The following SOX5 variants were observed in gnomAD, a reference collection of about 807,000 sequenced individuals.
SOX5 encodes SRY-box transcription factor 5.
A neutral mutation model predicts 92.0 loss-of-function variants in SOX5; 9 were observed. That is an observed-to-expected ratio of 0.10 (90% CI 0.06 to 0.17). SOX5 has a LOEUF of 0.17. Among genes scored for constraint, SOX5 ranks in the 10% least tolerant of loss-of-function variants. The pLI is 1.00. For synonymous variants in SOX5, 344 were observed against 336.3 expected, an observed-to-expected ratio of 1.02 and a Z score of -0.25; for missense variants, 642 against 944.5, an observed-to-expected ratio of 0.68 and a Z score of 4.20.
chr12:23,668,800 C>T (rs760576234), intron 6 of SOX5, among the ~76,000 whole-genome samples: 2 of 152,022 alleles, frequency 1.3e-5, no homozygotes, highest in Non-Finnish European at 2.9e-5. Context: ...TTTTAAGAAG[C>T]CCCGTCTTAA....
chr12:23,546,996 C>T (rs1263346193), intron 11 of SOX5, among the ~76,000 whole-genome samples: 3 of 152,056 alleles, frequency 2.0e-5, no homozygotes, highest in African/African-American at 7.2e-5. Flanking sequence ...GCTACTTGGA[C>T]CACAATTTGA....
intron 2 of SOX5, among the ~76,000 whole-genome samples, chr12:24,286,963 G>A (rs527255913): frequency 2.0e-5 from 3 of 152,242 alleles, no homozygotes; most frequent in Non-Finnish European, 4.4e-5. Context: ...ATCAAACAGA[G>A]ACTGACTACA....
rs578120512 is a variant in SOX5, at chr12:24,247,817, A to AT, written c.-77+29398dup. Among the ~76,000 whole-genome samples the AT allele has an allele frequency of 8.2e-3, 1,235 of 151,084 alleles. 10 individuals carry two copies. The highest frequency in any genetic ancestry group is 0.035 in the Middle Eastern group (10 of 288). On this transcript the variant is annotated intron_variant, in intron 3 of 4. Transcript: ENST00000446891. ...AGGTGCCCGCTACTACACCTGGCTAATTTTTTTTGTATTTTTAGTAGAGAC... is the reference window on the plus strand; with the variant it reads ...AGGTGCCCGCTACTACACCTGGCTAATTTTTTTTTGTATTTTTAGTAGAGAC...
intron 3 of SOX5, among the ~76,000 whole-genome samples, chr12:24,268,258 C>T (rs374009002): frequency 4.6e-5 from 7 of 151,854 alleles, no homozygotes; most frequent in Admixed American, 6.6e-5. Context: ...ATGTAGAGCA[C>T]GAAGACAATC....
At chr12:23,716,086 C>T (rs1441607914) in intron 6 of SOX5, among the ~76,000 whole-genome samples, 1 of 152,086 alleles carries the variant, frequency 6.6e-6, no homozygotes, top group East Asian at 1.9e-4. Context: ...TTAAGTTATG[C>T]AACACACGGG....
chr12:23,812,789 C>T (rs928367818), intron 3 of SOX5, among the ~76,000 whole-genome samples: 2 of 152,154 alleles, frequency 1.3e-5, no homozygotes, highest in Non-Finnish European at 2.9e-5. Flanking sequence ...TACTGATGTA[C>T]TGTATCTCAG....
At chr12:23,831,610 G>T (rs536771764) in intron 3 of SOX5, among the ~76,000 whole-genome samples, 37 of 152,164 alleles carry the variant, frequency 2.4e-4, no homozygotes, top group Admixed American at 3.9e-4. Flanking sequence ...TCTCAGAAGA[G>T]AACTCTTTTT....
intron 1 of SOX5, among the ~76,000 whole-genome samples, chr12:23,936,350 C>T (rs937350422): frequency 6.6e-6 from 1 of 150,950 alleles, no homozygotes; most frequent in African/African-American, 2.4e-5. Flanking sequence ...TATATAATCT[C>T]TAAAATAATT....
At chr12:23,597,371 A>C (rs557561249) in intron 9 of SOX5, among the ~76,000 whole-genome samples, 40 of 152,312 alleles carry the variant, frequency 2.6e-4, no homozygotes, top group African/African-American at 9.6e-4. Context: ...CATCATAAGA[A>C]TATTTCACCT....
chr12:23,734,565 T>C, intron 6 of SOX5, 119 bp downstream of exon 6: 2 of 724,586 alleles, frequency 2.8e-6, no homozygotes, highest in Non-Finnish European at 4.5e-6. Context: ...AGGTGCTATG[T>C]CATGAATTAG....
chr12:23,540,686 G>A (rs1388015986), intron 13 of SOX5, among the ~76,000 whole-genome samples: 1 of 152,080 alleles, frequency 6.6e-6, no homozygotes, highest in Non-Finnish European at 1.5e-5. Flanking sequence ...GCAGTAAAAG[G>A]TGATTCCTTA....
intron 10 of SOX5, among the ~76,000 whole-genome samples, chr12:23,566,490 C>T (rs1246409676): frequency 6.6e-6 from 1 of 152,292 alleles, no homozygotes; most frequent in East Asian, 1.9e-4. Context: ...CCTTTTTCCT[C>T]ACTGCCTCCT....
chr12:24,549,642 G>A (rs780829756), intron 1 of SOX5, among the ~76,000 whole-genome samples: 18 of 152,132 alleles, frequency 1.2e-4, no homozygotes, highest in Non-Finnish European at 1.9e-4. Context: ...TAGTTTGGGA[G>A]TCATCTGAAA....
intron 2 of SOX5, among the ~76,000 whole-genome samples, chr12:24,352,395 A>G (rs1277955615): frequency 1.3e-5 from 2 of 152,194 alleles, no homozygotes; most frequent in Non-Finnish European, 2.9e-5. Context: ...GTTGAATAAC[A>G]TATGGGGCTT....
At chr12:24,555,618 C>T (rs932428434) in intron 1 of SOX5, among the ~76,000 whole-genome samples, 1 of 152,024 alleles carries the variant, frequency 6.6e-6, no homozygotes, top group African/African-American at 2.4e-5. Flanking sequence ...CTCGTATAAC[C>T]TAATTTAATC....
intron 1 of SOX5, among the ~76,000 whole-genome samples, chr12:24,427,250 A>C (rs1404789508): frequency 6.6e-6 from 1 of 152,242 alleles, no homozygotes; most frequent in African/African-American, 2.4e-5. Context: ...TATAAGAAAC[A>C]GTTCTTTGAA....
At chr12:24,113,928 T>A (rs779796928) in intron 4 of SOX5, among the ~76,000 whole-genome samples, 8 of 152,190 alleles carry the variant, frequency 5.3e-5, no homozygotes, top group Non-Finnish European at 1.0e-4. Flanking sequence ...ACTGCATGCA[T>A]GTTGCCTGGA....
Position 24,561,236 on chromosome 12 carries a change from T to G in SOX5, c.-251+1093A>C, listed in dbSNP as rs114810813. On this transcript the variant is annotated intron_variant, in intron 1 of 4. Transcript: ENST00000446891. ...GCACCGAGTGTAGGGCTCTGCATAT[T>G]CACAGGATTCCTCGTCTTGACCTGC... Among the ~76,000 whole-genome samples the G allele has an allele frequency of 4.9e-3, 750 of 152,286 alleles. 3 individuals carry two copies. Among genetic ancestry groups the G allele is most frequent in the African/African-American group, 0.017 (708 of 41,550 alleles).
chr12:24,038,795 C>T (rs932785945), intron 4 of SOX5, among the ~76,000 whole-genome samples: 1 of 152,028 alleles, frequency 6.6e-6, no homozygotes, highest in Admixed American at 6.6e-5. Context: ...CCACTATTTC[C>T]GAGTCTTCTG....
Sources: gnomAD v4.1 joint callset for allele counts (sites outside exome capture counted in the v4.1 genomes callset) on GRCh38, gnomAD v4.1.1 for gene constraint, MANE v1.5 for transcripts, NCBI Gene and HGNC (gene_info 2026-07-23, HGNC 2026-07-21) for gene names.